EPAS1: variants seen among roughly 807,000 people sequenced by gnomAD.
EPAS1 encodes endothelial PAS domain protein 1.
In EPAS1, 23 loss-of-function variants were observed where a neutral mutation model predicts 87.9. That is an observed-to-expected ratio of 0.26 (90% CI 0.19 to 0.37). EPAS1 has a LOEUF of 0.37. Among genes scored for constraint, EPAS1 ranks in the 10% least tolerant of loss-of-function variants. EPAS1 has a pLI of 1.00. For missense variants in EPAS1, 1,138 were observed against 1,120.7 expected (o/e 1.02, Z -0.22); for synonymous variants, 508 against 444.3 (o/e 1.14, Z -1.80).
chr2:46,298,031 G>T, intron 1 of EPAS1, 94 bp downstream of exon 1: 1 of 1,487,790 alleles, frequency 6.7e-7, no homozygotes, highest in South Asian at 1.2e-5. Flanking sequence ...GGAGAAGAGT[G>T]CTGAGAGGTC....
chr2:46,310,041 A>G (rs750528277), intron 1 of EPAS1, among the ~76,000 whole-genome samples: 4 of 152,178 alleles, frequency 2.6e-5, no homozygotes, highest in Non-Finnish European at 5.9e-5. Context: ...GCATGTGTGA[A>G]TGTGCCCAAA....
intron 15 of EPAS1, among the ~76,000 whole-genome samples, chr2:46,383,232 T>C (rs911826128): frequency 2.6e-5 from 4 of 152,188 alleles, no homozygotes; most frequent in African/African-American, 9.7e-5. Context: ...GGGGTGTCAC[T>C]CTGAGTTCAG....
intron 9 of EPAS1, among the ~76,000 whole-genome samples, chr2:46,377,434 G>A (rs933105869): frequency 6.6e-6 from 1 of 152,222 alleles, no homozygotes; most frequent in African/African-American, 2.4e-5. Flanking sequence ...ACCCTGGACT[G>A]TGTCAGCCCC....
intron 13 of EPAS1, 56 bp from the exon 14 acceptor site, chr2:46,381,919 C>G (rs1216228179): frequency 8.2e-7 from 1 of 1,219,972 alleles, no homozygotes; most frequent in Non-Finnish European, 1.2e-6. Flanking sequence ...CCCACCCAGT[C>G]TGGGGACCTG....
rs145081558 is a variant in EPAS1 at position 46,302,112 on chromosome 2, TTC to T, written c.26+4181_26+4182del. Among the ~76,000 whole-genome samples, 990 of 125,288 alleles carry T rather than the reference TTC, an allele frequency of 7.9e-3. 8 individuals carry two copies. The highest frequency in any genetic ancestry group is 0.013 in the Non-Finnish European group (787 of 60,566). 82.2% of individuals were successfully genotyped at this position (125,288 alleles called of 152,430 possible). On this transcript the variant is annotated intron_variant, in intron 1 of 15. Coordinates refer to ENST00000263734, the MANE Select transcript of EPAS1 (RefSeq NM_001430.5). ...TTTAATTTACTTAGAATGTCCCTCT[TTC>T]TCTCTGTGTGTGTGTGTGTGTGTGT... is the stretch of plus-strand genomic sequence containing the variant.
At chr2:46,343,980 G>GT (rs1224340339) in intron 1 of EPAS1, among the ~76,000 whole-genome samples, 2 of 152,226 alleles carry the variant, frequency 1.3e-5, no homozygotes, top group East Asian at 3.8e-4. Context: ...TCCCCTGTGT[G>GT]TTTCCGGACT....
chr2:46,381,787 AGGG>A, intron 13 of EPAS1, 65 bp downstream of exon 13: 1 of 1,607,028 alleles, frequency 6.2e-7, no homozygotes, highest in Non-Finnish European at 8.5e-7. Context: ...GGCTGCTGAG[AGGG>A]GTGGGGATGT....
chr2:46,378,708 G>C lies in EPAS1; in HGVS notation c.1495G>C (p.Glu499Gln). The change falls in exon 11 of 16, where the codon GAA becomes CAA. Residue 499 changes from glutamate to glutamine, a missense_variant. This residue lies in a region of EPAS1 where 284 missense variants were observed against 258.4 expected (regional missense o/e 1.10). Coordinates refer to ENST00000263734, the MANE Select transcript of EPAS1 (RefSeq NM_001430.5). ...ATCTTTGGATAACGACCTGAAGATT[G>C]AAGTGATTGAGAAGCTCTTCGCCAT... ...YTSLDNDLKI[E>Q]VIEKLFAMDT... 6.2e-7 allele frequency: 1 copy of C among 1,614,208 alleles called. No homozygotes were observed. Among genetic ancestry groups the C allele is most frequent in the Non-Finnish European group, 8.5e-7 (1 of 1,180,038 alleles).
chr2:46,357,038 A>G (rs1660450462), intron 4 of EPAS1, among the ~76,000 whole-genome samples: 2 of 152,146 alleles, frequency 1.3e-5, no homozygotes, highest in South Asian at 4.1e-4. Flanking sequence ...TCCCACTACT[A>G]GGGGACACCT....
intron 6 of EPAS1, among the ~76,000 whole-genome samples, chr2:46,361,680 G>T (rs1684390300): frequency 6.6e-6 from 1 of 152,194 alleles, no homozygotes; most frequent in African/African-American, 2.4e-5. Flanking sequence ...TGGGCTTCAG[G>T]ACTAGATGGC....
In EPAS1 at chr2:46,382,602, G is replaced by A. The variant is rs1459872378; in HGVS notation, c.2461+4G>A. 1.2e-6 allele frequency: 2 copies of A among 1,613,884 alleles called. No individual in the cohort carries two copies. Among genetic ancestry groups the A allele is most frequent in the African/African-American group, 1.3e-5 (1 of 74,918 alleles). On this transcript the variant is annotated splice_donor_region_variant and intron_variant, in intron 15 of 15. Transcript: ENST00000263734. The stretch of plus-strand genomic sequence containing the variant: ...TCGTCAGCCCACAAGGTGTCAGGTG[G>A]GTGTGCCCAGGATCTGTCACCCCCA...
intron 1 of EPAS1, among the ~76,000 whole-genome samples, chr2:46,331,433 T>A (rs1188791073): frequency 6.6e-6 from 1 of 152,248 alleles, no homozygotes; most frequent in African/African-American, 2.4e-5. Flanking sequence ...CAAGAAGTAC[T>A]TTTTCATTAA....
At chr2:46,345,981 A>G (rs1052203088) in intron 1 of EPAS1, among the ~76,000 whole-genome samples, 1 of 152,238 alleles carries the variant, frequency 6.6e-6, no homozygotes, top group African/African-American at 2.4e-5. Context: ...GAGGAGACTG[A>G]GGCTAAGCAG....
chr2:46,316,315 A>G (rs797002311), intron 1 of EPAS1, among the ~76,000 whole-genome samples: 50 of 151,710 alleles, frequency 3.3e-4, no homozygotes, highest in African/African-American at 1.2e-3. Flanking sequence ...CTGGAGTGCA[A>G]TGGGGCAATC....
chr2:46,376,779 C>T, intron 9 of EPAS1, 26 bp downstream of exon 9: 1 of 1,609,650 alleles, frequency 6.2e-7, no homozygotes, highest in African/African-American at 1.3e-5. Context: ...CTAAGCCAGG[C>T]CCCTGGAACC....
intron 1 of EPAS1, among the ~76,000 whole-genome samples, chr2:46,317,123 A>G (rs1398446902): frequency 6.6e-6 from 1 of 152,150 alleles, no homozygotes; most frequent in Non-Finnish European, 1.5e-5. Context: ...TACTTCCTCC[A>G]CTAAAGTCTT....
intron 1 of EPAS1, among the ~76,000 whole-genome samples, chr2:46,306,552 A>G (rs750218976): frequency 6.6e-6 from 1 of 152,230 alleles, no homozygotes; most frequent in African/African-American, 2.4e-5. Flanking sequence ...AAATATTTAC[A>G]GGCCTCCTTC....
At chr2:46,336,093 G>A (rs1262088195) in intron 1 of EPAS1, among the ~76,000 whole-genome samples, 2 of 152,210 alleles carry the variant, frequency 1.3e-5, no homozygotes, top group African/African-American at 4.8e-5. Context: ...TGCAGCGCCT[G>A]GGAGAGGAGC....
At chr2:46,364,840 A>AT (rs1684469538) in intron 6 of EPAS1, among the ~76,000 whole-genome samples, 1 of 152,164 alleles carries the variant, frequency 6.6e-6, no homozygotes. Flanking sequence ...ACGAACTGTC[A>AT]TTTACTGTGC....
Sources: gnomAD v4.1 joint callset for allele counts (sites outside exome capture counted in the v4.1 genomes callset) on GRCh38, gnomAD v4.1.1 for gene constraint, gnomAD v4.1.1 regional missense constraint, MANE v1.5 for transcripts, NCBI Gene and HGNC (gene_info 2026-07-23, HGNC 2026-07-21) for gene names.